BRINP2: variants seen among roughly 807,000 people sequenced by gnomAD.
BRINP2 encodes BMP/retinoic acid-inducible neural-specific protein 2.
BRINP2 carries 21 observed loss-of-function variants against 69.2 expected under a neutral mutation model. That is an observed-to-expected ratio of 0.30 (90% CI 0.22 to 0.44). BRINP2 has a LOEUF of 0.44. Among genes scored for constraint, BRINP2 ranks in the 20% least tolerant of loss-of-function variants. BRINP2 has a pLI of 1.00. For synonymous variants in BRINP2, 380 were observed against 394.1 expected, an observed-to-expected ratio of 0.96 and a Z score of 0.42; for missense variants, 877 against 986.0, an observed-to-expected ratio of 0.89 and a Z score of 1.48.
intron 5 of BRINP2, among the ~76,000 whole-genome samples, chr1:177,274,485 A>C (rs1651433438): frequency 6.6e-6 from 1 of 152,234 alleles, no homozygotes; most frequent in South Asian, 2.1e-4. Context: ...TATATAAGAA[A>C]GAGGACTAAA....
intron 2 of BRINP2, among the ~76,000 whole-genome samples, chr1:177,243,978 G>T (rs1176030269): frequency 6.6e-6 from 1 of 151,772 alleles, no homozygotes; most frequent in Non-Finnish European, 1.5e-5. Flanking sequence ...AGCTGTGGGG[G>T]TGGGGGTGGG....
chr1:177,255,016 T>C (rs968190573), intron 2 of BRINP2, among the ~76,000 whole-genome samples: 3 of 152,206 alleles, frequency 2.0e-5, no homozygotes, highest in Non-Finnish European at 2.9e-5. Flanking sequence ...AATTACAATA[T>C]AGAACACTGG....
chr1:177,194,166 C>T (rs890825761), intron 1 of BRINP2, among the ~76,000 whole-genome samples: 1 of 152,178 alleles, frequency 6.6e-6, no homozygotes, highest in Non-Finnish European at 1.5e-5. Flanking sequence ...AAATTCTTCT[C>T]CCTTAATTAT....
At chr1:177,194,318 G>C (rs1232532328) in intron 1 of BRINP2, among the ~76,000 whole-genome samples, 3 of 152,074 alleles carry the variant, frequency 2.0e-5, no homozygotes, top group East Asian at 1.9e-4. Flanking sequence ...CTTAGTCCTG[G>C]TTCCTTCTAT....
intron 1 of BRINP2, among the ~76,000 whole-genome samples, chr1:177,215,968 C>CT (rs929381309): frequency 2.0e-5 from 3 of 151,826 alleles, no homozygotes; most frequent in East Asian, 3.8e-4. Flanking sequence ...CAAAGAATAT[C>CT]TTTTTTTTAT....
At chr1:177,208,678 A>C (rs1430088637) in intron 1 of BRINP2, among the ~76,000 whole-genome samples, 1 of 151,946 alleles carries the variant, frequency 6.6e-6, no homozygotes, top group Non-Finnish European at 1.5e-5. Flanking sequence ...TATTTCCTTA[A>C]TGAACAGGTA....
chr1:177,250,902 A>G (rs565723882), intron 2 of BRINP2, among the ~76,000 whole-genome samples: 1 of 152,344 alleles, frequency 6.6e-6, no homozygotes, highest in African/African-American at 2.4e-5. Flanking sequence ...TTGTACCTCA[A>G]TTTCATCATC....
chr1:177,272,544 G>T (rs967507164), intron 4 of BRINP2, among the ~76,000 whole-genome samples: 5 of 152,252 alleles, frequency 3.3e-5, no homozygotes, highest in African/African-American at 1.2e-4. Context: ...CATACTTGCA[G>T]AAAGGGATGC....
At position 177,256,013 on chromosome 1, in the gene BRINP2, A is replaced by G; in HGVS notation, c.364A>G (p.Ile122Val). 1 of 1,614,214 alleles carries G rather than the reference A, an allele frequency of 6.2e-7. No individual in the cohort carries two copies. The highest frequency in any genetic ancestry group is 1.1e-5 in the South Asian group (1 of 91,082). Residue 122 changes from isoleucine (I) to valine (V), a missense_variant, in exon 3 of 8, where the codon ATT becomes GTT. Coordinates refer to ENST00000361539, the MANE Select transcript of BRINP2 (RefSeq NM_021165.4). ...LPLAPEFIRNIRLLGRRPNLQ... is the reference protein window; with the variant it reads ...LPLAPEFIRNVRLLGRRPNLQ... ...TCTTGCCCCAGAGTTTATCCGGAACATTCGCCTCCTTGGAAGGAGACCCAA... is the reference window on the plus strand; with the variant it reads ...TCTTGCCCCAGAGTTTATCCGGAACGTTCGCCTCCTTGGAAGGAGACCCAA...
At chr1:177,267,533 C>T (rs777338130) in intron 4 of BRINP2, among the ~76,000 whole-genome samples, 7 of 152,140 alleles carry the variant, frequency 4.6e-5, no homozygotes, top group East Asian at 1.9e-4. Flanking sequence ...GCCATGTCCT[C>T]GGTTCCTGAT....
intron 6 of BRINP2, 124 bp downstream of exon 6, chr1:177,276,558 G>A: frequency 1.2e-6 from 1 of 867,112 alleles, no homozygotes. Flanking sequence ...CCACTTAATT[G>A]TGTCTGTGAC....
chr1:177,230,389 G>T (rs1189758048), intron 2 of BRINP2, among the ~76,000 whole-genome samples: 1 of 152,206 alleles, frequency 6.6e-6, no homozygotes, highest in Non-Finnish European at 1.5e-5. Context: ...TAGCAAAAGG[G>T]TTTCTATTTA....
At chr1:177,223,621 T>TG (rs773730349) in intron 1 of BRINP2, among the ~76,000 whole-genome samples, 21 of 152,242 alleles carry the variant, frequency 1.4e-4, no homozygotes, top group Non-Finnish European at 2.1e-4. Context: ...AGGGTCTCTT[T>TG]GGCTCTCTTG....
intron 2 of BRINP2, among the ~76,000 whole-genome samples, chr1:177,241,064 C>T (rs58102470): frequency 0.18 from 27,587 of 151,892 alleles, 2,943 homozygotes; most frequent in Non-Finnish European, 0.24. Flanking sequence ...CTCCGCCTCC[C>T]GGGTTCATGC....
At chr1:177,264,565 T>C (rs1290279077) in intron 4 of BRINP2, among the ~76,000 whole-genome samples, 1 of 152,184 alleles carries the variant, frequency 6.6e-6, no homozygotes, top group Non-Finnish European at 1.5e-5. Context: ...AACCCCATCG[T>C]CTCAGCCCAA....
intron 1 of BRINP2, among the ~76,000 whole-genome samples, chr1:177,224,159 G>A (rs578060811): frequency 1.1e-4 from 16 of 152,128 alleles, no homozygotes; most frequent in African/African-American, 2.9e-4. Context: ...AAGATATTGC[G>A]GATGACAAGA....
At chr1:177,191,537 C>T (rs369750016) in intron 1 of BRINP2, among the ~76,000 whole-genome samples, 1 of 152,214 alleles carries the variant, frequency 6.6e-6, no homozygotes, top group Non-Finnish European at 1.5e-5. Context: ...TCACTGCAAC[C>T]TCTGCTTCCT....
intron 1 of BRINP2, among the ~76,000 whole-genome samples, chr1:177,193,781 G>T (rs1345679390): frequency 6.6e-6 from 1 of 152,144 alleles, no homozygotes; most frequent in Non-Finnish European, 1.5e-5. Context: ...GACTCGTATG[G>T]TTCTGTGCTT....
chr1:177,207,755 C>G (rs1314594924), intron 1 of BRINP2, among the ~76,000 whole-genome samples: 1 of 152,152 alleles, frequency 6.6e-6, no homozygotes, highest in African/African-American at 2.4e-5. Flanking sequence ...CTGGTTGCTT[C>G]CCTTTCCCTG....
Sources: gnomAD v4.1 joint callset for allele counts (sites outside exome capture counted in the v4.1 genomes callset) on GRCh38, gnomAD v4.1.1 for gene constraint, MANE v1.5 for transcripts, NCBI Gene and HGNC (gene_info 2026-07-23, HGNC 2026-07-21) for gene names.